The following TDRD3 variants were observed in gnomAD, a reference collection of about 807,000 sequenced individuals.
TDRD3 encodes tudor domain-containing protein 3.
Under a neutral mutation model 86.7 loss-of-function variants are expected in TDRD3, and 45 were observed. That is an observed-to-expected ratio of 0.52 (90% CI 0.41 to 0.67). The LOEUF (loss-of-function observed/expected upper bound fraction) is 0.67. TDRD3 is among the 30% of genes least tolerant of loss of function. TDRD3 has a pLI of 0.00. For missense variants in TDRD3, 814 were observed against 889.0 expected (o/e 0.92, Z 1.07); for synonymous variants, 298 against 301.7 (o/e 0.99, Z 0.13).
chr13:60,570,944 G>A (rs377612963), intron 13 of TDRD3, among the ~76,000 whole-genome samples: 5 of 151,968 alleles, frequency 3.3e-5, no homozygotes, highest in East Asian at 1.9e-4. Context: ...AAATAACAAC[G>A]CACACAGTTC....
At chr13:60,402,107 A>G (rs1452768525) in intron 1 of TDRD3, among the ~76,000 whole-genome samples, 1 of 152,238 alleles carries the variant, frequency 6.6e-6, no homozygotes, top group African/African-American at 2.4e-5. Context: ...ACCTGTCCAC[A>G]GATGAAGGGC....
intron 8 of TDRD3, among the ~76,000 whole-genome samples, chr13:60,501,185 C>A (rs771525668): frequency 3.9e-5 from 6 of 152,156 alleles, no homozygotes; most frequent in Non-Finnish European, 7.3e-5. Flanking sequence ...TGTATCATTC[C>A]CCCCGCTGGA....
intron 7 of TDRD3, among the ~76,000 whole-genome samples, 171 bp from the exon 8 acceptor site, chr13:60,494,264 A>G (rs1316479774): frequency 1.3e-5 from 2 of 152,212 alleles, no homozygotes; most frequent in African/African-American, 2.4e-5. Context: ...AGAGATTGTG[A>G]CTAGTAGATA....
At chr13:60,445,574 A>G (rs2137985261) in intron 3 of TDRD3, among the ~76,000 whole-genome samples, 1 of 152,318 alleles carries the variant, frequency 6.6e-6, no homozygotes, top group African/African-American at 2.4e-5. Flanking sequence ...TCTGGCTAGA[A>G]CACAAATTGC....
intron 12 of TDRD3, among the ~76,000 whole-genome samples, chr13:60,555,707 G>A (rs1480028371): frequency 6.6e-6 from 1 of 152,128 alleles, no homozygotes; most frequent in East Asian, 1.9e-4. Flanking sequence ...GTTCTGATGA[G>A]TATCATTTAG....
chr13:60,494,473 T>C lies in TDRD3; in HGVS notation c.756T>C (p.Ser252=), dbSNP rs1956669243. The C allele has an allele frequency of 6.2e-7, 1 of 1,613,770 alleles. No individual in the cohort carries two copies. Among genetic ancestry groups the C allele is most frequent in the Non-Finnish European group, 8.5e-7 (1 of 1,179,810 alleles). ...TFGGGGGGAR[S]NLNMNAAGNR... is the part of the protein sequence containing the mutation. The stretch of plus-strand genomic sequence containing the variant: ...GAGGAGGTGGTGGTGGTGCTAGAAG[T>C]AATCTCAATATGAATGCTGCTGGTA... Residue 252 remains serine (S), a synonymous_variant, in exon 8 of 14, where the codon AGT becomes AGC. Transcript: ENST00000377881.
intron 7 of TDRD3, among the ~76,000 whole-genome samples, chr13:60,487,146 A>C (rs944096569): frequency 6.6e-6 from 1 of 152,178 alleles, no homozygotes; most frequent in Non-Finnish European, 1.5e-5. Flanking sequence ...TATAGCAGCT[A>C]TTTATATAAC....
chr13:60,497,340 C>T (rs373164382), intron 8 of TDRD3, among the ~76,000 whole-genome samples: 50 of 152,256 alleles, frequency 3.3e-4, no homozygotes, highest in African/African-American at 1.1e-3. Flanking sequence ...GTTTAGATCC[C>T]GATCATTGTC....
intron 5 of TDRD3, among the ~76,000 whole-genome samples, chr13:60,467,653 A>G (rs1955977013): frequency 6.6e-6 from 1 of 152,196 alleles, no homozygotes; most frequent in Non-Finnish European, 1.5e-5. Flanking sequence ...AGCTATGTAC[A>G]ATTTATTTGT....
At chr13:60,447,402 A>G (rs1015341314) in intron 3 of TDRD3, among the ~76,000 whole-genome samples, 16 of 152,168 alleles carry the variant, frequency 1.1e-4, no homozygotes, top group African/African-American at 3.6e-4. Flanking sequence ...TAATTTCCTT[A>G]TCATTTAAAT....
intron 3 of TDRD3, among the ~76,000 whole-genome samples, chr13:60,454,065 A>T (rs1228649143): frequency 6.6e-6 from 1 of 152,112 alleles, no homozygotes; most frequent in East Asian, 1.9e-4. Flanking sequence ...TACTTTCATT[A>T]TTCAGCTCTA....
At chr13:60,559,122 G>A (rs1216587351) in intron 12 of TDRD3, among the ~76,000 whole-genome samples, 1 of 152,074 alleles carries the variant, frequency 6.6e-6, no homozygotes, top group Non-Finnish European at 1.5e-5. Context: ...TTAACTTAGA[G>A]TTATTTGATT....
chr13:60,434,136 A>G (rs902710878), intron 1 of TDRD3: 1 of 152,184 alleles, frequency 6.6e-6, no homozygotes, highest in Admixed American at 6.6e-5. Flanking sequence ...AGAAGCATTT[A>G]CTAAAGGAAG....
At position 60,529,079 on chromosome 13, in the gene TDRD3, A is replaced by G. The variant is rs150720827; in HGVS notation, c.1854A>G (p.Ile618Met). The G allele has an allele frequency of 1.6e-5, 26 of 1,613,938 alleles. No individual in the cohort carries two copies. In the African/African-American group the frequency reaches 3.3e-4, roughly 21 times the overall value. Reference protein sequence around the residue: ...PVTAVPCDDKIFYNSGPKRRS... With the variant: ...PVTAVPCDDKMFYNSGPKRRS... ...CAGCTGTACCCTGTGATGATAAAAT[A>G]TTTTACAATAGTGGGCCCAAACGAA... Residue 618 changes from isoleucine to methionine, a missense_variant, in exon 11 of 14, where the codon ATA becomes ATG. Transcript: ENST00000377881.
intron 1 of TDRD3, among the ~76,000 whole-genome samples, chr13:60,399,058 A>C (rs1954024566): frequency 6.6e-6 from 1 of 152,192 alleles, no homozygotes; most frequent in Non-Finnish European, 1.5e-5. Flanking sequence ...GGTCCCGAAC[A>C]CGTGTTGACT....
chr13:60,457,469 G>A (rs1015952138), intron 3 of TDRD3, among the ~76,000 whole-genome samples: 4 of 152,306 alleles, frequency 2.6e-5, no homozygotes, highest in South Asian at 2.1e-4. Context: ...GTGCCAATCC[G>A]GTGAGGAGGC....
intron 1 of TDRD3, among the ~76,000 whole-genome samples, chr13:60,410,473 G>A (rs571455819): frequency 6.6e-6 from 1 of 152,202 alleles, no homozygotes; most frequent in Non-Finnish European, 1.5e-5. Flanking sequence ...TGTAAAATGG[G>A]CTCCTCAGTA....
At chr13:60,543,833 A>C (rs1315302807) in intron 12 of TDRD3, among the ~76,000 whole-genome samples, 1 of 151,916 alleles carries the variant, frequency 6.6e-6, no homozygotes, top group African/African-American at 2.4e-5. Context: ...CAAATATTTT[A>C]TTTTACATAT....
chr13:60,421,812 G>A (rs565993974), intron 1 of TDRD3, among the ~76,000 whole-genome samples: 16 of 152,230 alleles, frequency 1.1e-4, no homozygotes, highest in Non-Finnish European at 1.5e-4. Context: ...GGCAGACCTC[G>A]AAAAAAACTA....
Sources: allele counts gnomAD v4.1 joint callset (sites outside exome capture counted in the v4.1 genomes callset), GRCh38; gene constraint gnomAD v4.1.1; transcripts MANE v1.5; gene names NCBI Gene and HGNC (gene_info 2026-07-23, HGNC 2026-07-21).